Variants in PRKN observed in about 807,000 individuals in gnomAD.
The protein encoded by PRKN is E3 ubiquitin-protein ligase parkin.
PRKN carries 56 observed loss-of-function variants against 59.5 expected under a neutral mutation model. The ratio of observed to expected loss-of-function variants is 0.94; its 90% CI spans 0.76 to 1.18. PRKN has a LOEUF of 1.18. Ranked by LOEUF, PRKN falls within the 50% of genes most tolerant of loss-of-function variation. The probability of loss-of-function intolerance (pLI) is 0.00; values close to 1 mark genes in which losing one functional copy is unlikely to be tolerated. For missense variants in PRKN, 657 were observed against 596.4 expected, an observed-to-expected ratio of 1.10 and a Z score of -1.06; for synonymous variants, 250 against 222.1, an observed-to-expected ratio of 1.13 and a Z score of -1.12.
intron 3 of PRKN, among the ~76,000 whole-genome samples, chr6:162,216,761 C>A (rs1777691876): frequency 1.3e-5 from 2 of 151,984 alleles, no homozygotes; most frequent in African/African-American, 4.8e-5. Context: ...CACAGTGAGC[C>A]CATCATGAGA....
At chr6:162,243,022 AC>A (rs1779049695) in intron 3 of PRKN, among the ~76,000 whole-genome samples, 1 of 148,816 alleles carries the variant, frequency 6.7e-6, no homozygotes, top group African/African-American at 2.4e-5. Context: ...AAAAAAAAAA[AC>A]ATTTATCAGC....
intron 1 of PRKN, among the ~76,000 whole-genome samples, chr6:162,640,482 T>C (rs1009337983): frequency 5.3e-5 from 8 of 152,148 alleles, no homozygotes; most frequent in African/African-American, 1.9e-4. Flanking sequence ...GCATAGTCTA[T>C]TAAACTGAGG....
chr6:162,231,888 G>C (rs1778435595), intron 3 of PRKN, among the ~76,000 whole-genome samples: 1 of 152,164 alleles, frequency 6.6e-6, no homozygotes, highest in South Asian at 2.1e-4. Context: ...AGGAAATGCA[G>C]TGCTCTGTAA....
At position 162,461,080 on chromosome 6, in the gene PRKN, A is replaced by G. The variant is rs377044253; in HGVS notation, c.8-17607T>C. On this transcript the variant is annotated intron_variant, in intron 1 of 11. Transcript: ENST00000366898. ...TTGCTAGGCACAGTGCTAGAAAGTG[A>G]TATTACAAAAATGAATAACACAGCC... Among the ~76,000 whole-genome samples, 8 of 152,220 alleles carry G rather than the reference A, an allele frequency of 5.3e-5. No homozygotes were observed. The East Asian group carries it at 1.2e-3, about 22-fold the overall frequency.
intron 1 of PRKN, among the ~76,000 whole-genome samples, chr6:162,499,074 GA>G (rs1793237087): frequency 6.6e-6 from 1 of 152,094 alleles, no homozygotes; most frequent in South Asian, 2.1e-4. Flanking sequence ...TTGTCTCTGG[GA>G]GTAAGTCCAG....
chr6:162,043,422 A>C (rs1175885042), intron 5 of PRKN, among the ~76,000 whole-genome samples: 1 of 152,246 alleles, frequency 6.6e-6, no homozygotes, highest in Non-Finnish European at 1.5e-5. Context: ...TTGAAAGCCA[A>C]GGAAGCTTCA....
intron 7 of PRKN, among the ~76,000 whole-genome samples, chr6:161,661,425 C>T (rs1784540623): frequency 6.6e-6 from 1 of 152,130 alleles, no homozygotes; most frequent in African/African-American, 2.4e-5. Context: ...ATCTGTGTGG[C>T]TGCCCATCCC....
In PRKN at chr6:161,458,062, T is replaced by C. The variant is rs77508409; in HGVS notation, c.1084-71185A>G. On this transcript the variant is annotated intron_variant, in intron 9 of 11. Coordinates refer to ENST00000366898, the MANE Select transcript of PRKN (RefSeq NM_004562.3). The surrounding 1 kb of genome is among the most constrained non-coding windows in gnomAD (Gnocchi z 6.1). ...GAAAAATAGAATATCCTAGCTGTTATGGGAATACTTATAAGAAGAAAAAGA... is the reference window on the plus strand; with the variant it reads ...GAAAAATAGAATATCCTAGCTGTTACGGGAATACTTATAAGAAGAAAAAGA... 0.045 allele frequency among the ~76,000 whole-genome samples: 6,905 copies of C among 152,284 alleles called. 185 individuals are homozygous for C. Among genetic ancestry groups the C allele is most frequent in the African/African-American group, 0.07 (2,923 of 41,570 alleles).
intron 7 of PRKN, among the ~76,000 whole-genome samples, chr6:161,609,313 T>G (rs1668007879): frequency 6.6e-6 from 1 of 152,264 alleles, no homozygotes; most frequent in African/African-American, 2.4e-5. Context: ...TTTTGATAAG[T>G]ATTAAATATA....
At chr6:162,693,646 T>C (rs544879147) in intron 1 of PRKN, among the ~76,000 whole-genome samples, 3 of 152,304 alleles carry the variant, frequency 2.0e-5, no homozygotes, top group South Asian at 4.1e-4. Context: ...TTTTTTTGCT[T>C]TCAAGAAACT....
At chr6:161,862,563 T>C (rs1018331817) in intron 6 of PRKN, among the ~76,000 whole-genome samples, 2 of 152,050 alleles carry the variant, frequency 1.3e-5, no homozygotes, top group Non-Finnish European at 2.9e-5. Context: ...AGAGTATAAA[T>C]TCCCATGAGC....
chr6:161,699,235 G>A (rs1399016561), intron 7 of PRKN, among the ~76,000 whole-genome samples: 1 of 152,116 alleles, frequency 6.6e-6, no homozygotes, highest in African/African-American at 2.4e-5. Context: ...GAATGAGGTG[G>A]AGGAAATGGA....
chr6:162,572,937 AC>A (rs1562397858), intron 1 of PRKN, among the ~76,000 whole-genome samples: 1 of 152,022 alleles, frequency 6.6e-6, no homozygotes, highest in Non-Finnish European at 1.5e-5. Context: ...TCTGTGTGTC[AC>A]CCCCTGTCAT....
In PRKN at chr6:161,639,245, A is replaced by G. The variant is rs1187149121; in HGVS notation, c.872-69829T>C. ...CTTTATTAGCAGTGTGAGAATGGAC[A>G]AATAGACCTAGTCTCCAAGTGCAGA... On this transcript the variant is annotated intron_variant, in intron 7 of 11. Coordinates refer to ENST00000366898, the MANE Select transcript of PRKN (RefSeq NM_004562.3). Among the ~76,000 whole-genome samples, 4 of 152,210 alleles carry G rather than the reference A, an allele frequency of 2.6e-5. 1 individual carries two copies. The highest frequency in any genetic ancestry group is 1.3e-4 in the Admixed American group (2 of 15,284).
In PRKN at chr6:162,118,168, T is replaced by C. The variant is rs1245468311; in HGVS notation, c.535-63994A>G. On this transcript the variant is annotated intron_variant, in intron 4 of 11. Transcript: ENST00000366898. ...GGCTCACGCCTGTAATGCCAGCACT[T>C]TGGGAGGCCGAGGCGGGTGGATCAT... Among the ~76,000 whole-genome samples, 3 of 151,964 alleles carry C rather than the reference T, an allele frequency of 2.0e-5. No homozygotes were observed. The East Asian group carries it at 5.8e-4, about 29-fold the overall frequency.
chr6:161,951,328 C>A (rs1779982558), intron 6 of PRKN, among the ~76,000 whole-genome samples: 1 of 152,172 alleles, frequency 6.6e-6, no homozygotes, highest in Admixed American at 6.5e-5. Context: ...TGCTTTTAAT[C>A]TCAGCAATGT....
chr6:161,858,994 C>T (rs1034645913), intron 6 of PRKN, among the ~76,000 whole-genome samples: 4 of 150,068 alleles, frequency 2.7e-5, no homozygotes, highest in Non-Finnish European at 4.4e-5. Flanking sequence ...CTCGGCCTCC[C>T]GAGTAGCTGG....
intron 1 of PRKN, among the ~76,000 whole-genome samples, chr6:162,564,824 T>C (rs73593946): frequency 0.035 from 4,972 of 143,148 alleles, 294 homozygotes; most frequent in African/African-American, 0.12. Flanking sequence ...ATTTCACCAA[T>C]AGCAGACCTG....
chr6:161,787,864 T>C (rs1259466032), intron 6 of PRKN, among the ~76,000 whole-genome samples: 1 of 152,190 alleles, frequency 6.6e-6, no homozygotes, highest in Non-Finnish European at 1.5e-5. Flanking sequence ...GTGAATGGCA[T>C]GAACGCGGGA....
Sources: allele counts gnomAD v4.1 joint callset (sites outside exome capture counted in the v4.1 genomes callset), GRCh38; gene constraint gnomAD v4.1.1; non-coding constraint Gnocchi (gnomAD v3.1); transcripts MANE v1.5; gene names NCBI Gene and HGNC (gene_info 2026-07-23, HGNC 2026-07-21).